Variants in PPARGC1A observed in about 807,000 individuals in gnomAD.
PPARGC1A encodes peroxisome proliferator-activated receptor gamma coactivator 1-alpha.
A neutral mutation model predicts 88.7 loss-of-function variants in PPARGC1A; 25 were observed. The observed-to-expected ratio is 0.28, with a 90% CI of 0.21 to 0.39. The LOEUF is 0.39. PPARGC1A is among the 10% of genes least tolerant of loss of function. The pLI is 1.00. For synonymous variants in PPARGC1A, 363 were observed against 355.6 expected (o/e 1.02, Z -0.24); for missense variants, 880 against 968.7 (o/e 0.91, Z 1.22).
the PPARGC1A span, among the ~76,000 whole-genome samples, chr4:24,382,967 A>G: frequency 6.6e-6 from 1 of 152,214 alleles, no homozygotes; most frequent in African/African-American, 2.4e-5. Context: ...AGGGGTTGAT[A>G]GACACCTCAT....
At chr4:24,214,764 T>C in the PPARGC1A span, among the ~76,000 whole-genome samples, 1 of 152,154 alleles carries the variant, frequency 6.6e-6, no homozygotes, top group Non-Finnish European at 1.5e-5. Context: ...GGAACGCTAA[T>C]CCTTAATTCC....
the PPARGC1A span, among the ~76,000 whole-genome samples, chr4:23,994,186 T>A: frequency 3.9e-5 from 6 of 152,162 alleles, no homozygotes; most frequent in Non-Finnish European, 7.3e-5. Flanking sequence ...CTGTCCTGCT[T>A]AACAAGCCCA....
the PPARGC1A span, among the ~76,000 whole-genome samples, chr4:24,289,242 A>AAAAAAAAAAG: frequency 2.1e-5 from 2 of 95,800 alleles, no homozygotes; most frequent in African/African-American, 9.5e-5. Context: ...AAAAAAAAAA[A>AAAAAAAAAAG]AGAGAGAGAG....
the PPARGC1A span, among the ~76,000 whole-genome samples, chr4:24,447,559 T>A: frequency 6.6e-6 from 1 of 152,218 alleles, no homozygotes; most frequent in Non-Finnish European, 1.5e-5. Flanking sequence ...TCACAGGAGA[T>A]GTGGCTTCAC....
the PPARGC1A span, among the ~76,000 whole-genome samples, chr4:24,115,408 C>T: frequency 2.0e-5 from 3 of 151,932 alleles, no homozygotes; most frequent in African/African-American, 7.2e-5. Context: ...AAAGGCAATC[C>T]TACATGCTTA....
At chr4:23,957,764 T>C in the PPARGC1A span, among the ~76,000 whole-genome samples, 1 of 152,116 alleles carries the variant, frequency 6.6e-6, no homozygotes, top group Non-Finnish European at 1.5e-5. Flanking sequence ...TACTTTTTAA[T>C]GTAGATATCC....
At chr4:24,015,021 A>G in the PPARGC1A span, among the ~76,000 whole-genome samples, 1 of 152,150 alleles carries the variant, frequency 6.6e-6, no homozygotes, top group Non-Finnish European at 1.5e-5. Context: ...TGACATTCCC[A>G]GCTCCTTCTC....
At chr4:24,158,665 C>T in the PPARGC1A span, among the ~76,000 whole-genome samples, 1 of 152,122 alleles carries the variant, frequency 6.6e-6, no homozygotes, top group Admixed American at 6.6e-5. Context: ...AATAAACAGG[C>T]AGAAGCTGGC....
At chr4:23,992,140 C>T in the PPARGC1A span, among the ~76,000 whole-genome samples, 41 of 151,948 alleles carry the variant, frequency 2.7e-4, no homozygotes, top group African/African-American at 9.2e-4. Context: ...TAGTTTCAAT[C>T]ATATTTCCTT....
At chr4:24,227,082 C>CTT in the PPARGC1A span, among the ~76,000 whole-genome samples, 1 of 146,398 alleles carries the variant, frequency 6.8e-6, no homozygotes. Flanking sequence ...TCTAACACTT[C>CTT]TTTTTTTTTT....
chr4:24,266,156 TTAAC>T, the PPARGC1A span, among the ~76,000 whole-genome samples: 3 of 152,194 alleles, frequency 2.0e-5, no homozygotes, highest in African/African-American at 7.2e-5. Context: ...AATGTGAAGC[TTAAC>T]TAACAGGGAC....
At chr4:24,123,910 C>CAAAAAAAAAAAAAAAAAAAA in the PPARGC1A span, among the ~76,000 whole-genome samples, 1 of 123,442 alleles carries the variant, frequency 8.1e-6, no homozygotes. Flanking sequence ...TCTAAGTTGG[C>CAAAAAAAAAAAAAAAAAAAA]AAAAAAAAAA....
At chr4:24,384,558 C>CAAAA in the PPARGC1A span, among the ~76,000 whole-genome samples, 3 of 53,950 alleles carry the variant, frequency 5.6e-5, no homozygotes, top group Non-Finnish European at 1.3e-4. Flanking sequence ...AAATGGAAAG[C>CAAAA]AAAAAAAAAA....
upstream of PPARGC1A, among the ~76,000 whole-genome samples, chr4:23,892,764 A>C (rs16874297): frequency 9.0e-3 from 1,372 of 152,296 alleles, 18 homozygotes; most frequent in African/African-American, 0.031. Context: ...TTGAAACCTT[A>C]CTGTGTGCAC....
chr4:23,820,417 G>T, intron 7 of PPARGC1A: 1 of 196,552 alleles, frequency 5.1e-6, no homozygotes, highest in East Asian at 1.4e-4. Context: ...AAAATTTTGG[G>T]GTCACTTTGG....
At chr4:24,117,146 C>A in the PPARGC1A span, among the ~76,000 whole-genome samples, 1 of 152,074 alleles carries the variant, frequency 6.6e-6, no homozygotes, top group Admixed American at 6.6e-5. Context: ...TTTGAAATCC[C>A]AAAGTAATAA....
At chr4:23,910,322 A>AT in the PPARGC1A span, among the ~76,000 whole-genome samples, 34 of 81,318 alleles carry the variant, frequency 4.2e-4, no homozygotes, top group African/African-American at 1.6e-3. Context: ...AATATTATAT[A>AT]TATTATATAT....
At chr4:24,257,498 A>G in the PPARGC1A span, among the ~76,000 whole-genome samples, 1 of 152,166 alleles carries the variant, frequency 6.6e-6, no homozygotes, top group African/African-American at 2.4e-5. Context: ...AAATAAAAAG[A>G]TGCACCAATT....
At chr4:24,239,233 C>A in the PPARGC1A span, among the ~76,000 whole-genome samples, 6 of 152,158 alleles carry the variant, frequency 3.9e-5, no homozygotes, top group African/African-American at 1.4e-4. Context: ...CAAGGAAAGT[C>A]TGCTCTCTTG....
Sources: gnomAD v4.1 joint callset for allele counts (sites outside exome capture counted in the v4.1 genomes callset) on GRCh38, gnomAD v4.1.1 for gene constraint, MANE v1.5 for transcripts, NCBI Gene and HGNC (gene_info 2026-07-23, HGNC 2026-07-21) for gene names.